Variants in THSD7A observed in about 807,000 individuals in gnomAD.
THSD7A encodes thrombospondin type 1 domain containing 7A, also known as thrombospondin type-1 domain-containing protein 7A.
A neutral mutation model predicts 231.3 loss-of-function variants in THSD7A; 96 were observed. That is an observed-to-expected ratio of 0.41 (90% CI 0.35 to 0.49). The LOEUF (loss-of-function observed/expected upper bound fraction) is 0.49, where lower values mean the gene tolerates loss of function less well. THSD7A is among the 20% of genes least tolerant of loss of function. The pLI is 0.05. For missense variants in THSD7A, 2,290 were observed against 2,070.2 expected (o/e 1.11, Z -2.06); for synonymous variants, 940 against 743.3 (o/e 1.26, Z -4.30).
chr7:11,507,228 T>C (rs559321668), intron 6 of THSD7A, among the ~76,000 whole-genome samples: 85 of 152,306 alleles, frequency 5.6e-4, no homozygotes, highest in African/African-American at 1.9e-3. Context: ...GTATTAGGGA[T>C]ACTCACTCTA....
At chr7:11,703,175 C>T (rs1208826944) in intron 1 of THSD7A, among the ~76,000 whole-genome samples, 1 of 151,194 alleles carries the variant, frequency 6.6e-6, no homozygotes, top group Non-Finnish European at 1.5e-5. Context: ...TTGTTGCACA[C>T]AACCATTCAA....
chr7:11,755,420 G>A lies in THSD7A; in HGVS notation c.190+76337C>T, dbSNP rs899113976. 2.0e-5 allele frequency among the ~76,000 whole-genome samples: 3 copies of A among 152,108 alleles called. No homozygotes were observed. In the East Asian group the frequency reaches 5.8e-4, roughly 29 times the overall value. On this transcript the variant is annotated intron_variant, in intron 1 of 27. Transcript: ENST00000423059. Reference sequence around the variant, plus strand: ...AGAACCCCATTCTGAAGTTGTCCTAGTTAAAGTCCTCCATGATTGGACACT... The same window carrying A: ...AGAACCCCATTCTGAAGTTGTCCTAATTAAAGTCCTCCATGATTGGACACT...
chr7:11,677,584 CAAAAAAAAAAAAAAAA>C (rs553030554), intron 1 of THSD7A, among the ~76,000 whole-genome samples: 4 of 22,274 alleles, frequency 1.8e-4, no homozygotes, highest in Non-Finnish European at 6.7e-5. Flanking sequence ...AAATGGAAAG[CAAAAAAAAAAAAAAAA>C]AAAAAAAAAA....
chr7:11,430,761 C>A (rs528372962), intron 13 of THSD7A, among the ~76,000 whole-genome samples: 2 of 152,200 alleles, frequency 1.3e-5, no homozygotes, highest in Non-Finnish European at 2.9e-5. Context: ...ACCACCATGC[C>A]TGGCTTGGCT....
intron 1 of THSD7A, among the ~76,000 whole-genome samples, chr7:11,745,364 T>C (rs557326875): frequency 1.3e-5 from 2 of 151,710 alleles, no homozygotes; most frequent in East Asian, 3.9e-4. Flanking sequence ...GATGAGTAGA[T>C]TGCAAAAATT....
At chr7:11,541,659 T>C (rs759990187) in intron 5 of THSD7A, 28 bp from the exon 6 acceptor site, 3 of 1,592,624 alleles carry the variant, frequency 1.9e-6, no homozygotes, top group Non-Finnish European at 2.6e-6. Flanking sequence ...GAAAAATCTA[T>C]TGTTACTATC....
chr7:11,471,640 C>A (rs534180673), intron 8 of THSD7A, among the ~76,000 whole-genome samples: 109 of 152,032 alleles, frequency 7.2e-4, no homozygotes, highest in African/African-American at 2.3e-3. Context: ...CAAAAATAAT[C>A]TTTTTGATTT....
intron 23 of THSD7A, among the ~76,000 whole-genome samples, chr7:11,397,031 C>G (rs1313885154): frequency 6.6e-6 from 1 of 152,118 alleles, no homozygotes; most frequent in Non-Finnish European, 1.5e-5. Context: ...TGACAAAAAC[C>G]ACATGATTAT....
chr7:11,697,876 C>A (rs988733784), intron 1 of THSD7A, among the ~76,000 whole-genome samples: 1 of 151,382 alleles, frequency 6.6e-6, no homozygotes, highest in Admixed American at 6.6e-5. Context: ...AAAAACAATA[C>A]CAATTAAATA....
chr7:11,747,702 T>A (rs2128163576), intron 1 of THSD7A, among the ~76,000 whole-genome samples: 1 of 151,990 alleles, frequency 6.6e-6, no homozygotes, highest in Middle Eastern at 3.4e-3. Flanking sequence ...GCATATGTGC[T>A]GCTGTAGGGA....
chr7:11,572,732 C>T (rs1362867065), intron 4 of THSD7A, among the ~76,000 whole-genome samples: 2 of 151,924 alleles, frequency 1.3e-5, no homozygotes, highest in Non-Finnish European at 2.9e-5. Context: ...TCTCAAATTC[C>T]TGGGCTCAAG....
At chr7:11,465,667 G>C (rs192893257) in intron 9 of THSD7A, among the ~76,000 whole-genome samples, 1 of 152,046 alleles carries the variant, frequency 6.6e-6, no homozygotes, top group Admixed American at 6.6e-5. Flanking sequence ...GAAGCAAAAT[G>C]TAAAGGTAGT....
chr7:11,745,129 G>A (rs1011913655), intron 1 of THSD7A, among the ~76,000 whole-genome samples: 3 of 151,922 alleles, frequency 2.0e-5, no homozygotes, highest in Non-Finnish European at 2.9e-5. Context: ...TTTAATAATC[G>A]CCACTCTAAC....
chr7:11,681,065 G>T (rs1783850190), intron 1 of THSD7A, among the ~76,000 whole-genome samples: 1 of 152,054 alleles, frequency 6.6e-6, no homozygotes, highest in African/African-American at 2.4e-5. Flanking sequence ...CATGGATGAA[G>T]CTGGAAACCA....
intron 6 of THSD7A, chr7:11,520,274 C>A (rs910546477): frequency 1.3e-5 from 2 of 152,144 alleles, no homozygotes; most frequent in Admixed American, 6.5e-5. Flanking sequence ...GATGCTAGTT[C>A]TTTGTCTGCA....
At chr7:11,803,669 G>C (rs1190458454) in intron 1 of THSD7A, among the ~76,000 whole-genome samples, 1 of 152,124 alleles carries the variant, frequency 6.6e-6, no homozygotes, top group Non-Finnish European at 1.5e-5. Context: ...AAGAATCCCT[G>C]TTAACATAAA....
At chr7:11,780,866 C>G (rs987010000) in intron 1 of THSD7A, among the ~76,000 whole-genome samples, 1 of 150,902 alleles carries the variant, frequency 6.6e-6, no homozygotes, top group Non-Finnish European at 1.5e-5. Flanking sequence ...TGGCGGGCGC[C>G]TGTAGTCCCA....
chr7:11,621,067 A>G (rs1238965966), intron 2 of THSD7A, among the ~76,000 whole-genome samples: 1 of 152,190 alleles, frequency 6.6e-6, no homozygotes, highest in Admixed American at 6.5e-5. Flanking sequence ...CACAACTCAC[A>G]TTAGGCAATG....
intron 2 of THSD7A, among the ~76,000 whole-genome samples, chr7:11,603,411 C>T (rs1385533697): frequency 6.6e-6 from 1 of 152,076 alleles, no homozygotes; most frequent in African/African-American, 2.4e-5. Context: ...GAAATAGGCA[C>T]ACTTTTACAC....
Sources: allele counts gnomAD v4.1 joint callset (sites outside exome capture counted in the v4.1 genomes callset), GRCh38; gene constraint gnomAD v4.1.1; transcripts MANE v1.5; gene names NCBI Gene and HGNC (gene_info 2026-07-23, HGNC 2026-07-21).